The following PTPRN2 variants were observed in gnomAD, a reference collection of about 807,000 sequenced individuals.
PTPRN2 encodes protein tyrosine phosphatase receptor type N2, also known as receptor-type tyrosine-protein phosphatase N2.
PTPRN2 carries 74 observed loss-of-function variants against 118.8 expected under a neutral mutation model. The observed-to-expected ratio is 0.62, with a 90% CI of 0.52 to 0.76. The LOEUF is 0.76. Among genes scored for constraint, PTPRN2 ranks in the 30% least tolerant of loss-of-function variants. PTPRN2 has a pLI of 0.00. For missense variants in PTPRN2, 1,481 were observed against 1,394.4 expected (o/e 1.06, Z -0.99); for synonymous variants, 641 against 608.0 (o/e 1.05, Z -0.80).
At chr7:157,866,332 G>A (rs1019095020) in intron 12 of PTPRN2, among the ~76,000 whole-genome samples, 2 of 151,874 alleles carry the variant, frequency 1.3e-5, no homozygotes, top group Non-Finnish European at 1.5e-5. Flanking sequence ...ACACACACAT[G>A]CATATGCAGA....
intron 3 of PTPRN2, among the ~76,000 whole-genome samples, chr7:158,244,133 G>C (rs548918727): frequency 6.6e-6 from 1 of 152,276 alleles, no homozygotes; most frequent in South Asian, 2.1e-4. Context: ...CCTGGGAAGA[G>C]AACAAGCTGC....
At chr7:157,735,242 G>A (rs948420609) in intron 12 of PTPRN2, among the ~76,000 whole-genome samples, 2 of 152,256 alleles carry the variant, frequency 1.3e-5, no homozygotes, top group Admixed American at 6.5e-5. Flanking sequence ...CAACTCTTGC[G>A]TGAATTTGGT....
rs1048691019 is a variant in PTPRN2 at position 157,615,128 on chromosome 7, C to A, written c.2344+6234G>T. Among the ~76,000 whole-genome samples the A allele has an allele frequency of 1.2e-4, 18 of 152,240 alleles. No individual in the cohort carries two copies. The highest frequency in any genetic ancestry group is 4.1e-4 in the African/African-American group (17 of 41,458). The stretch of plus-strand genomic sequence containing the variant: ...AAATAAATGAAGTGCTCGCAGGTCA[C>A]GCTAATACGGCCAACACTGGGCGGC... On this transcript the variant is annotated intron_variant, in intron 15 of 22. Coordinates refer to ENST00000389418, the MANE Select transcript of PTPRN2 (RefSeq NM_002847.5). This position sits in a 1 kb window ranked among gnomAD's most constrained non-coding sequence, Gnocchi z 4.3.
intron 2 of PTPRN2, among the ~76,000 whole-genome samples, chr7:158,375,041 T>C (rs776192905): frequency 1.3e-5 from 2 of 152,158 alleles, no homozygotes; most frequent in Non-Finnish European, 1.5e-5. Flanking sequence ...AAAAGATAGA[T>C]GAGAAACTCC....
chr7:158,003,413 C>CA lies in PTPRN2; in HGVS notation c.1723+77884dup, dbSNP rs11352464. ...TGGGAGACACAGCGAGACTCCGTCT[C>CA]AAAAAAAAAAAAAAAAAAAAATGAG... On this transcript the variant is annotated intron_variant, in intron 11 of 22. Transcript: ENST00000389418. The surrounding 1 kb of genome is among the most constrained non-coding windows in gnomAD (Gnocchi z 5.0). Among the ~76,000 whole-genome samples the CA allele has an allele frequency of 0.068, 5,933 of 87,290 alleles. 238 individuals carry two copies. The highest frequency in any genetic ancestry group is 0.096 in the Admixed American group (797 of 8,332). The allele number at this position is 87,290 out of a possible 152,430, so 57.3% of individuals were successfully genotyped here. A position where few individuals can be genotyped will look rare whatever the true frequency, so the allele number is the denominator to read the frequency against.
intron 22 of PTPRN2, among the ~76,000 whole-genome samples, chr7:157,545,445 AG>A (rs1486017741): frequency 6.8e-6 from 1 of 145,994 alleles, no homozygotes; most frequent in Non-Finnish European, 1.5e-5. Flanking sequence ...GGGTGTGTGC[AG>A]GTGTGTGGGT....
intron 11 of PTPRN2, chr7:158,030,792 C>T (rs1807631457): frequency 6.6e-6 from 1 of 152,394 alleles, no homozygotes; most frequent in South Asian, 2.1e-4. Context: ...GGTGCAGGGC[C>T]TGGAGAGCTT....
rs1478395983 is a variant in PTPRN2, at chr7:158,171,314, T to TACAC, written c.550-4024_550-4023insGTGT. Among the ~76,000 whole-genome samples, 316 of 98,236 alleles carry TACAC rather than the reference T, an allele frequency of 3.2e-3. 18 individuals carry two copies. The highest frequency in any genetic ancestry group is 4.2e-3 in the Admixed American group (42 of 10,006). 64.4% of individuals were successfully genotyped at this position (98,236 alleles called of 152,430 possible). A position where few individuals can be genotyped will look rare whatever the true frequency, so the allele number is the denominator to read the frequency against. On this transcript the variant is annotated intron_variant, in intron 5 of 22. Coordinates refer to ENST00000389418, the MANE Select transcript of PTPRN2 (RefSeq NM_002847.5). Reference sequence around the variant, plus strand: ...ACACACATATATATACACACATATATATATATATATATATATATATATATA... The same window carrying TACAC: ...ACACACATATATATACACACATATATACACATATATATATATATATATATATATA...
chr7:158,329,311 C>T (rs1803931514), intron 2 of PTPRN2, among the ~76,000 whole-genome samples: 1 of 152,204 alleles, frequency 6.6e-6, no homozygotes, highest in South Asian at 2.1e-4. Context: ...CCTCACGGAG[C>T]ACCAGCGCGC....
intron 10 of PTPRN2, among the ~76,000 whole-genome samples, chr7:158,083,765 A>C (rs545911066): frequency 5.3e-5 from 8 of 152,302 alleles, no homozygotes; most frequent in African/African-American, 1.9e-4. Context: ...CATCGCCGTC[A>C]GGCCCAGCGA....
At chr7:158,036,351 A>C (rs979212034) in intron 11 of PTPRN2, among the ~76,000 whole-genome samples, 3 of 152,210 alleles carry the variant, frequency 2.0e-5, no homozygotes, top group Admixed American at 1.3e-4. Flanking sequence ...AACTCTCATA[A>C]ACAGCACTAA....
In PTPRN2 at chr7:157,927,500, C is replaced by T. The variant is rs34585215; in HGVS notation, c.1724-28763G>A. 2.0e-3 allele frequency among the ~76,000 whole-genome samples: 121 copies of T among 59,892 alleles called. 2 individuals carry two copies. Among genetic ancestry groups the T allele is most frequent in the African/African-American group, 0.01 (101 of 9,942 alleles). The allele number at this position is 59,892 out of a possible 152,430, so 39.3% of individuals were successfully genotyped here. A position where few individuals can be genotyped will look rare whatever the true frequency, so the allele number is the denominator to read the frequency against. ...AGAGACCTCACATCTGCTGGGACCC[C>T]GAAGACAGGAAGCCCCAGGGACCCG... On this transcript the variant is annotated intron_variant, in intron 11 of 22. Coordinates refer to ENST00000389418, the MANE Select transcript of PTPRN2 (RefSeq NM_002847.5).
chr7:158,374,155 G>A (rs2151325597), intron 2 of PTPRN2, among the ~76,000 whole-genome samples: 1 of 152,304 alleles, frequency 6.6e-6, no homozygotes. Flanking sequence ...CGCAAACAGA[G>A]GAAACAGAAT....
At chr7:158,260,355 T>C (rs1451982237) in intron 3 of PTPRN2, among the ~76,000 whole-genome samples, 1 of 152,226 alleles carries the variant, frequency 6.6e-6, no homozygotes, top group Non-Finnish European at 1.5e-5. Context: ...CAAATGTTAT[T>C]AAATAATTCC....
intron 2 of PTPRN2, among the ~76,000 whole-genome samples, chr7:158,388,521 G>A (rs1451214827): frequency 6.6e-6 from 1 of 152,198 alleles, no homozygotes; most frequent in East Asian, 1.9e-4. Flanking sequence ...GGACGCACGG[G>A]GCAGGGTGCA....
intron 11 of PTPRN2, among the ~76,000 whole-genome samples, chr7:158,072,039 T>TGGTGGTGGAGGTGCC (rs1811944256): frequency 7.2e-6 from 1 of 138,226 alleles, no homozygotes; most frequent in South Asian, 2.6e-4. Context: ...GTGGAGGTGC[T>TGGTGGTGGAGGTGCC]CGTGGTGGTG....
At chr7:158,337,106 A>T (rs1805744402) in intron 2 of PTPRN2, among the ~76,000 whole-genome samples, 2 of 151,758 alleles carry the variant, frequency 1.3e-5, no homozygotes, top group South Asian at 2.1e-4. Context: ...CACTCTCACC[A>T]TAAGAGCTGA....
chr7:157,846,411 C>T (rs1808804043), intron 12 of PTPRN2, among the ~76,000 whole-genome samples: 2 of 152,184 alleles, frequency 1.3e-5, no homozygotes, highest in African/African-American at 4.8e-5. Flanking sequence ...CAGGAAATGA[C>T]GCTCTAAAAA....
intron 11 of PTPRN2, among the ~76,000 whole-genome samples, chr7:157,899,180 G>A (rs1267724566): frequency 6.6e-6 from 1 of 152,216 alleles, no homozygotes; most frequent in Non-Finnish European, 1.5e-5. Context: ...GTGTATTTCT[G>A]CCATCAGCAC....
Sources: gnomAD v4.1 joint callset for allele counts (sites outside exome capture counted in the v4.1 genomes callset) on GRCh38, gnomAD v4.1.1 for gene constraint, Gnocchi (gnomAD v3.1) non-coding constraint, MANE v1.5 for transcripts, NCBI Gene and HGNC (gene_info 2026-07-23, HGNC 2026-07-21) for gene names.